SDK2: variants seen among roughly 807,000 people sequenced by gnomAD.
SDK2 encodes the protein protein sidekick-2.
SDK2 carries 105 observed loss-of-function variants against 253.9 expected under a neutral mutation model. The observed-to-expected ratio is 0.41, with a 90% confidence interval of 0.35 to 0.49. SDK2 has a LOEUF of 0.49. Among genes scored for constraint, SDK2 ranks in the 20% least tolerant of loss-of-function variants. The probability of loss-of-function intolerance (pLI) is 0.06; values close to 1 mark genes in which losing one functional copy is unlikely to be tolerated. For missense variants in SDK2, 2,608 were observed against 3,003.0 expected (o/e 0.87, Z 3.07); for synonymous variants, 1,249 against 1,234.9 (o/e 1.01, Z -0.24).
intron 2 of SDK2, among the ~76,000 whole-genome samples, chr17:73,489,576 C>T (rs543346262): frequency 4.9e-4 from 74 of 152,248 alleles, no homozygotes; most frequent in African/African-American, 1.7e-3. Context: ...TTTCCTTAGA[C>T]CAGATGTTCC....
intron 1 of SDK2, among the ~76,000 whole-genome samples, chr17:73,565,163 G>A (rs1006522407): frequency 3.9e-5 from 6 of 152,212 alleles, no homozygotes; most frequent in African/African-American, 7.2e-5. Flanking sequence ...TGCGGCAACC[G>A]CAGCAGTTGG....
At chr17:73,513,226 A>G (rs887782195) in intron 1 of SDK2, among the ~76,000 whole-genome samples, 8 of 152,176 alleles carry the variant, frequency 5.3e-5, no homozygotes, top group Non-Finnish European at 1.0e-4. Context: ...ACGGGCAAAG[A>G]GCTAATTTTC....
At chr17:73,566,609 G>C (rs2045315867) in intron 1 of SDK2, among the ~76,000 whole-genome samples, 1 of 152,082 alleles carries the variant, frequency 6.6e-6, no homozygotes, top group Non-Finnish European at 1.5e-5. Flanking sequence ...GCAAAGCCCA[G>C]GCTGATGAGG....
intron 30 of SDK2, among the ~76,000 whole-genome samples, chr17:73,387,206 C>T (rs536703738): frequency 9.2e-5 from 14 of 152,330 alleles, no homozygotes; most frequent in South Asian, 8.3e-4. Flanking sequence ...GTGATCCTCC[C>T]GCCTCGGCCT....
chr17:73,625,122 A>C (rs1455137836), intron 1 of SDK2, among the ~76,000 whole-genome samples: 1 of 152,164 alleles, frequency 6.6e-6, no homozygotes, highest in Non-Finnish European at 1.5e-5. Context: ...TCTGGCTTTC[A>C]AGACCATGGT....
At chr17:73,625,207 A>G (rs575143072) in intron 1 of SDK2, among the ~76,000 whole-genome samples, 10 of 152,204 alleles carry the variant, frequency 6.6e-5, no homozygotes, top group Non-Finnish European at 1.3e-4. Context: ...GGACCAGACA[A>G]GCAGGCACCA....
chr17:73,354,542 G>A (rs996224449), intron 40 of SDK2, among the ~76,000 whole-genome samples: 2 of 152,154 alleles, frequency 1.3e-5, no homozygotes, highest in South Asian at 2.1e-4. Context: ...TGGTGGCAGT[G>A]CGGGGCTGAT....
intron 36 of SDK2, among the ~76,000 whole-genome samples, chr17:73,374,858 T>C (rs556294724): frequency 1.3e-5 from 2 of 152,262 alleles, no homozygotes; most frequent in African/African-American, 4.8e-5. Flanking sequence ...TGAGCCCCCT[T>C]CATGGCCCAC....
intron 1 of SDK2, among the ~76,000 whole-genome samples, chr17:73,575,697 T>C (rs1237726046): frequency 6.6e-6 from 1 of 152,252 alleles, no homozygotes; most frequent in Non-Finnish European, 1.5e-5. Flanking sequence ...GATATGATTG[T>C]TGTCTTTGTA....
At chr17:73,469,988 G>GCACACACACACA (rs1405188875) in intron 3 of SDK2, among the ~76,000 whole-genome samples, 8 of 112,366 alleles carry the variant, frequency 7.1e-5, no homozygotes, top group African/African-American at 3.1e-4. Flanking sequence ...GACTGCGCGC[G>GCACACACACACA]CGCGCACACA....
chr17:73,597,929 G>A (rs1423051074), intron 1 of SDK2, among the ~76,000 whole-genome samples: 1 of 152,196 alleles, frequency 6.6e-6, no homozygotes, highest in Admixed American at 6.5e-5. Flanking sequence ...ACAGGCCTGA[G>A]CCACCGCGCC....
At chr17:73,382,332 C>T (rs1033588262) in intron 33 of SDK2, among the ~76,000 whole-genome samples, 5 of 152,214 alleles carry the variant, frequency 3.3e-5, no homozygotes, top group Middle Eastern at 3.4e-3. Flanking sequence ...CCCCTGCCTG[C>T]TGCCGTCTTC....
At chr17:73,414,805 GTC>G in intron 17 of SDK2, 46 bp from the exon 18 acceptor site, 1 of 1,230,662 alleles carries the variant, frequency 8.1e-7, no homozygotes, top group South Asian at 1.2e-5. Flanking sequence ...GGCCCAGTCA[GTC>G]TCTCTTGCCC....
intron 2 of SDK2, among the ~76,000 whole-genome samples, chr17:73,479,938 C>G (rs1039937890): frequency 3.3e-5 from 5 of 152,376 alleles, no homozygotes; most frequent in Admixed American, 3.3e-4. Context: ...GGTGATCCAC[C>G]TCCTTTGGCC....
In SDK2 at chr17:73,481,633, C is replaced by T. The variant is rs985116601; in HGVS notation, c.225-9415G>A. 1.3e-5 allele frequency among the ~76,000 whole-genome samples: 2 copies of T among 152,194 alleles called. No homozygotes were observed. Among genetic ancestry groups the T allele is most frequent in the Non-Finnish European group, 2.9e-5 (2 of 68,046 alleles). ...ATCCCTCACCAACGCAGGACGGAACCATCCAATCCACTGAGGGCTCGGATG... is the reference window on the plus strand; with the variant it reads ...ATCCCTCACCAACGCAGGACGGAACTATCCAATCCACTGAGGGCTCGGATG... On this transcript the variant is annotated intron_variant, in intron 2 of 44. Coordinates refer to ENST00000392650, the MANE Select transcript of SDK2 (RefSeq NM_001144952.2). The surrounding 1 kb of genome is among the most constrained non-coding windows in gnomAD (Gnocchi z 4.5).
chr17:73,414,888 C>T (rs2063167976), intron 17 of SDK2, 129 bp from the exon 18 acceptor site: 1 of 627,580 alleles, frequency 1.6e-6, no homozygotes, highest in East Asian at 2.8e-5. Context: ...CACCCCAACT[C>T]CTCCCTCGCT....
intron 5 of SDK2, among the ~76,000 whole-genome samples, chr17:73,445,586 T>C (rs1264906789): frequency 6.6e-6 from 1 of 151,638 alleles, no homozygotes; most frequent in African/African-American, 2.4e-5. Context: ...CCAGGAGGGA[T>C]GGAGGAAGCG....
chr17:73,346,083 G>A (rs920545965), intron 44 of SDK2, among the ~76,000 whole-genome samples: 5 of 152,076 alleles, frequency 3.3e-5, no homozygotes, highest in East Asian at 1.9e-4. Flanking sequence ...GCACACGCGT[G>A]TAATCCCAGC....
chr17:73,554,300 C>T (rs1362378542), intron 1 of SDK2, among the ~76,000 whole-genome samples: 1 of 152,214 alleles, frequency 6.6e-6, no homozygotes, highest in East Asian at 1.9e-4. Flanking sequence ...GCCAAACTTC[C>T]TGCCCCCAAA....
Sources: gnomAD v4.1 joint callset for allele counts (sites outside exome capture counted in the v4.1 genomes callset) on GRCh38, gnomAD v4.1.1 for gene constraint, Gnocchi (gnomAD v3.1) non-coding constraint, MANE v1.5 for transcripts, NCBI Gene and HGNC (gene_info 2026-07-23, HGNC 2026-07-21) for gene names.